The following MRPS9 variants were observed in gnomAD, a reference collection of about 807,000 sequenced individuals.
The protein encoded by MRPS9 is mitochondrial ribosomal protein S9, also known as small ribosomal subunit protein uS9m.
A neutral mutation model predicts 59.9 loss-of-function variants in MRPS9; 45 were observed. That is an observed-to-expected ratio of 0.75 (90% confidence interval 0.59 to 0.96). The LOEUF (loss-of-function observed/expected upper bound fraction) is 0.96. Among genes scored for constraint, MRPS9 ranks in the 40% least tolerant of loss-of-function variants. The pLI, the probability that MRPS9 is intolerant of heterozygous loss-of-function variation, is 0.00. For synonymous variants in MRPS9, 171 were observed against 166.8 expected, an observed-to-expected ratio of 1.03 and a Z score of -0.19; for missense variants, 473 against 481.1, an observed-to-expected ratio of 0.98 and a Z score of 0.16.
intron 5 of MRPS9, among the ~76,000 whole-genome samples, chr2:105,088,780 T>C (rs1003525787): frequency 1.3e-5 from 2 of 152,112 alleles, no homozygotes; most frequent in African/African-American, 4.8e-5. Context: ...AAATTCTCAT[T>C]GAAATTACTC....
At chr2:105,066,405 G>GTC (rs1680001660) in intron 2 of MRPS9, among the ~76,000 whole-genome samples, 1 of 152,230 alleles carries the variant, frequency 6.6e-6, no homozygotes. Context: ...GCTTGTTTTT[G>GTC]TCTTTTTAAA....
intron 1 of MRPS9, among the ~76,000 whole-genome samples, chr2:105,048,092 G>T (rs1275463656): frequency 6.6e-6 from 1 of 151,924 alleles, no homozygotes; most frequent in Non-Finnish European, 1.5e-5. Context: ...CAAAGACTTG[G>T]AACCAACCCA....
chr2:105,092,768 T>C (rs1298054321), intron 8 of MRPS9, among the ~76,000 whole-genome samples, 199 bp downstream of exon 8: 1 of 152,234 alleles, frequency 6.6e-6, no homozygotes, highest in Non-Finnish European at 1.5e-5. Context: ...GAAAAAAATG[T>C]GGATGCATAC....
At chr2:105,039,384 A>G (rs534453514) in intron 1 of MRPS9, among the ~76,000 whole-genome samples, 4 of 147,316 alleles carry the variant, frequency 2.7e-5, no homozygotes, top group Non-Finnish European at 6.0e-5. Flanking sequence ...CTCTTTGAGT[A>G]TATCTTTGCT....
At chr2:105,080,696 T>G (rs1044627447) in intron 5 of MRPS9, among the ~76,000 whole-genome samples, 45 of 152,220 alleles carry the variant, frequency 3.0e-4, no homozygotes, top group Non-Finnish European at 2.5e-4. Flanking sequence ...CTGTTTTTAT[T>G]TTTAGAACAT....
chr2:105,052,328 GT>G (rs1471011359), intron 2 of MRPS9, among the ~76,000 whole-genome samples: 3 of 152,036 alleles, frequency 2.0e-5, no homozygotes, highest in African/African-American at 7.2e-5. Context: ...TGTTGTTGTG[GT>G]TAGTGTTTTT....
chr2:105,045,635 A>G (rs1679578908), intron 1 of MRPS9, among the ~76,000 whole-genome samples: 1 of 152,172 alleles, frequency 6.6e-6, no homozygotes, highest in Admixed American at 6.5e-5. Context: ...ACATAGGAGT[A>G]GAAAACTTTG....
chr2:105,081,078 C>T (rs1269329343), intron 5 of MRPS9, among the ~76,000 whole-genome samples: 2 of 152,180 alleles, frequency 1.3e-5, no homozygotes, highest in African/African-American at 4.8e-5. Flanking sequence ...TGAGGCTGCC[C>T]GGGGACCCCT....
chr2:105,055,897 T>C (rs935493927), intron 2 of MRPS9, among the ~76,000 whole-genome samples: 6 of 152,206 alleles, frequency 3.9e-5, no homozygotes, highest in Non-Finnish European at 7.3e-5. Context: ...AAGCTTCCTT[T>C]GCAATTGCTG....
At chr2:105,072,933 T>C (rs570970701) in intron 4 of MRPS9, among the ~76,000 whole-genome samples, 1 of 152,332 alleles carries the variant, frequency 6.6e-6, no homozygotes, top group African/African-American at 2.4e-5. Context: ...TACCATCGAT[T>C]TAATAATAGC....
intron 9 of MRPS9, among the ~76,000 whole-genome samples, chr2:105,095,142 C>G (rs1680631863): frequency 6.6e-6 from 1 of 152,162 alleles, no homozygotes; most frequent in Non-Finnish European, 1.5e-5. Flanking sequence ...ACTTACAAAT[C>G]AGCAGTGAGG....
At chr2:105,079,939 CTG>C (rs763400991) in intron 4 of MRPS9, 42 bp from the exon 5 acceptor site, 3 of 1,434,372 alleles carry the variant, frequency 2.1e-6, no homozygotes, top group African/African-American at 2.8e-5. Context: ...TGGTCTGTCT[CTG>C]TGTATATTTT....
intron 2 of MRPS9, among the ~76,000 whole-genome samples, chr2:105,051,616 A>G (rs1220204164): frequency 6.6e-6 from 1 of 152,178 alleles, no homozygotes; most frequent in Non-Finnish European, 1.5e-5. Context: ...GAATCTCTAG[A>G]TAGATTTTGA....
intron 5 of MRPS9, among the ~76,000 whole-genome samples, chr2:105,086,608 T>A (rs984785580): frequency 5.3e-5 from 8 of 152,230 alleles, no homozygotes; most frequent in African/African-American, 1.9e-4. Context: ...GGTAGTAAAT[T>A]ACTCAGCAAT....
At chr2:105,045,477 C>G (rs1231238067) in intron 1 of MRPS9, among the ~76,000 whole-genome samples, 1 of 151,206 alleles carries the variant, frequency 6.6e-6, no homozygotes, top group Non-Finnish European at 1.5e-5. Context: ...CTACTAAAAT[C>G]TCAGATTGGG....
At chr2:105,061,109 C>CAAAAAAAA (rs751155585) in intron 2 of MRPS9, among the ~76,000 whole-genome samples, 12 of 47,986 alleles carry the variant, frequency 2.5e-4, no homozygotes, top group East Asian at 6.6e-4. Context: ...GACTCTGTCT[C>CAAAAAAAA]AAAAAAAAAA....
chr2:105,089,666 G>A (rs1680519324), intron 6 of MRPS9, among the ~76,000 whole-genome samples: 1 of 152,130 alleles, frequency 6.6e-6, no homozygotes, highest in Non-Finnish European at 1.5e-5. Flanking sequence ...GAAATCTGGT[G>A]GGCTTTTAAT....
chr2:105,092,558 G>C lies in MRPS9; in HGVS notation c.809G>C (p.Ser270Thr), dbSNP rs1680581676. 2 of 1,579,746 alleles carry C rather than the reference G, an allele frequency of 1.3e-6. No homozygotes were observed. The highest frequency in any genetic ancestry group is 2.4e-5 in the South Asian group (2 of 84,544). ...TATGATGAGCAAGGAATGGCCTTTA[G>C]CAAAAGTGAAGGTAATGACATTCTG... ...VQYDEQGMAFSKSEGKRKTAK... is the reference protein window; with the variant it reads ...VQYDEQGMAFTKSEGKRKTAK... Residue 270 changes from serine (S) to threonine (T), a missense_variant, in exon 8 of 11, where the codon AGC becomes ACC. Transcript: ENST00000258455.
intron 1 of MRPS9, 33 bp downstream of exon 1, chr2:105,038,260 T>G (rs1242653150): frequency 6.3e-7 from 1 of 1,592,992 alleles, no homozygotes; most frequent in African/African-American, 1.3e-5. Context: ...GCGGCTTACC[T>G]CTGCCGCGCG....
Sources: allele counts gnomAD v4.1 joint callset (sites outside exome capture counted in the v4.1 genomes callset), GRCh38; gene constraint gnomAD v4.1.1; transcripts MANE v1.5; gene names NCBI Gene and HGNC (gene_info 2026-07-23, HGNC 2026-07-21).